LIN52: variants seen among roughly 807,000 people sequenced by gnomAD.
The protein encoded by LIN52 is lin-52 DREAM MuvB core complex component.
LIN52 carries 4 observed loss-of-function variants against 18.5 expected under a neutral mutation model. The observed-to-expected ratio is 0.22, with a 90% CI of 0.11 to 0.49. LIN52 has a LOEUF of 0.49. Among genes scored for constraint, LIN52 ranks in the 20% least tolerant of loss-of-function variants. The probability of loss-of-function intolerance (pLI) is 0.97; values close to 1 mark genes in which losing one functional copy is unlikely to be tolerated. For missense variants in LIN52, 102 were observed against 139.5 expected (o/e 0.73, Z 1.35); for synonymous variants, 34 against 45.5 (o/e 0.75, Z 1.02).
intron 5 of LIN52, among the ~76,000 whole-genome samples, chr14:74,178,671 G>A (rs987333813): frequency 6.6e-6 from 1 of 151,324 alleles, no homozygotes. Context: ...TATTGGCCAG[G>A]CTGGTCTCAA....
In LIN52 at chr14:74,171,634, C is replaced by T. The variant is rs559589112; in HGVS notation, c.284-27288C>T. On this transcript the variant is annotated intron_variant, in intron 5 of 5. Transcript: ENST00000555028. ...AGAATGTTGTCTAAAAAGTAATGAA[C>T]GGTTATATAAGCAAAGTCAGAACTT... is the stretch of plus-strand genomic sequence containing the variant. Among the ~76,000 whole-genome samples the T allele has an allele frequency of 4.9e-4, 74 of 150,924 alleles. 1 individual carries two copies. The South Asian group carries it at 0.013, about 27-fold the overall frequency.
In LIN52 at chr14:74,177,399, A is replaced by C. The variant is rs1314693550; in HGVS notation, c.284-21523A>C. Reference sequence around the variant, plus strand: ...TTTTGATGTAAGGGGATGTTTGTATATTATGCCATAAGATATGCATCAGAA... The same window carrying C: ...TTTTGATGTAAGGGGATGTTTGTATCTTATGCCATAAGATATGCATCAGAA... On this transcript the variant is annotated intron_variant, in intron 5 of 5. Coordinates refer to ENST00000555028, the MANE Select transcript of LIN52 (RefSeq NM_001024674.3). Among the ~76,000 whole-genome samples, 9 of 152,336 alleles carry C rather than the reference A, an allele frequency of 5.9e-5. No homozygotes were observed. In the East Asian group the frequency reaches 1.7e-3, roughly 29 times the overall value.
intron 4 of LIN52, among the ~76,000 whole-genome samples, chr14:74,100,605 A>G (rs1402780654): frequency 6.6e-6 from 1 of 152,124 alleles, no homozygotes; most frequent in African/African-American, 2.4e-5. Flanking sequence ...CCTTCTGAGT[A>G]GCTGGGACTA....
chr14:74,169,181 G>A (rs1308555764), intron 5 of LIN52, among the ~76,000 whole-genome samples: 1 of 152,156 alleles, frequency 6.6e-6, no homozygotes, highest in East Asian at 1.9e-4. Flanking sequence ...CTTAGTGACT[G>A]TTTCTAAAAT....
intron 5 of LIN52, among the ~76,000 whole-genome samples, chr14:74,133,149 G>C (rs1003274087): frequency 4.6e-5 from 7 of 152,170 alleles, no homozygotes; most frequent in African/African-American, 1.7e-4. Flanking sequence ...TGACACTCTT[G>C]ATTTGGTCCA....
At chr14:74,161,792 G>A (rs1651972851) in intron 5 of LIN52, among the ~76,000 whole-genome samples, 1 of 152,224 alleles carries the variant, frequency 6.6e-6, no homozygotes, top group Admixed American at 6.5e-5. Flanking sequence ...CATTGCCAAG[G>A]TGAACATAGC....
chr14:74,120,532 A>G lies in LIN52; in HGVS notation c.283+19294A>G, dbSNP rs541668881. ...CACTTTGGGAGGCCGAGGTGGGCAG[A>G]TCACCTGAGGTCAGGAGTTCGAGAC... is the stretch of plus-strand genomic sequence containing the variant. On this transcript the variant is annotated intron_variant, in intron 5 of 5. Transcript: ENST00000555028. 7.9e-5 allele frequency among the ~76,000 whole-genome samples: 12 copies of G among 152,210 alleles called. No individual in the cohort carries two copies. In the South Asian group the frequency reaches 2.5e-3, roughly 32 times the overall value.
At chr14:74,140,874 C>T (rs1380226375) in intron 5 of LIN52, among the ~76,000 whole-genome samples, 1 of 152,122 alleles carries the variant, frequency 6.6e-6, no homozygotes, top group Non-Finnish European at 1.5e-5. Flanking sequence ...TTGTGGATTG[C>T]CTTGTCCTAG....
chr14:74,118,973 G>C (rs944413642), intron 5 of LIN52, among the ~76,000 whole-genome samples: 3 of 152,048 alleles, frequency 2.0e-5, no homozygotes, highest in African/African-American at 7.3e-5. Context: ...TTTAAATTAT[G>C]ACATCGGCCA....
At chr14:74,169,630 A>G (rs1012573607) in intron 5 of LIN52, among the ~76,000 whole-genome samples, 3 of 152,234 alleles carry the variant, frequency 2.0e-5, no homozygotes, top group African/African-American at 7.2e-5. Flanking sequence ...TAGTTGCAAT[A>G]CAGAAAGAAA....
intron 5 of LIN52, 80 bp downstream of exon 5, chr14:74,101,318 C>G: frequency 1.1e-6 from 1 of 879,668 alleles, no homozygotes. Flanking sequence ...GGTATTCCAC[C>G]CTGAGCTCCA....
At chr14:74,174,966 G>T (rs1027408599) in intron 5 of LIN52, among the ~76,000 whole-genome samples, 1 of 150,884 alleles carries the variant, frequency 6.6e-6, no homozygotes, top group African/African-American at 2.4e-5. Flanking sequence ...AGTGAGCCAT[G>T]ATCACACCAC....
chr14:74,113,882 C>T (rs1009776331), intron 5 of LIN52: 3 of 152,076 alleles, frequency 2.0e-5, no homozygotes, highest in Non-Finnish European at 4.4e-5. Flanking sequence ...CACTTTTAGT[C>T]CCTTTATGTG....
At chr14:74,114,130 G>A (rs2060948360) in intron 5 of LIN52, 1 of 985,348 alleles carries the variant, frequency 1.0e-6, no homozygotes, top group Admixed American at 6.2e-5. Flanking sequence ...ACAGGTGTGA[G>A]CCACAGCGCC....
At chr14:74,093,076 C>T (rs1444667033) in intron 2 of LIN52, among the ~76,000 whole-genome samples, 2 of 151,778 alleles carry the variant, frequency 1.3e-5, no homozygotes, top group African/African-American at 2.4e-5. Context: ...CTCAGCCTCC[C>T]GAGTAGCTGA....
intron 2 of LIN52, among the ~76,000 whole-genome samples, chr14:74,092,708 G>A (rs899556580): frequency 2.0e-5 from 3 of 151,418 alleles, no homozygotes; most frequent in African/African-American, 7.3e-5. Flanking sequence ...CTTGAGGCTA[G>A]GAGTTTGAGA....
chr14:74,179,913 G>T (rs1243820045), intron 5 of LIN52, among the ~76,000 whole-genome samples: 1 of 152,170 alleles, frequency 6.6e-6, no homozygotes, highest in East Asian at 1.9e-4. Flanking sequence ...TTTAGCATGA[G>T]TTAGAATCAC....
At chr14:74,087,982 G>A (rs990924196) in intron 1 of LIN52, among the ~76,000 whole-genome samples, 3 of 152,050 alleles carry the variant, frequency 2.0e-5, no homozygotes, top group Admixed American at 1.3e-4. Flanking sequence ...GCAGTGATAT[G>A]ATTATAGCTC....
At chr14:74,097,939 T>C in intron 4 of LIN52, 79 bp downstream of exon 4, 1 of 1,084,902 alleles carries the variant, frequency 9.2e-7, no homozygotes, top group Non-Finnish European at 1.4e-6. Flanking sequence ...TTTTTCTGTT[T>C]CCTTACAAGT....
Sources: allele counts gnomAD v4.1 joint callset (sites outside exome capture counted in the v4.1 genomes callset), GRCh38; gene constraint gnomAD v4.1.1; transcripts MANE v1.5; gene names NCBI Gene and HGNC (gene_info 2026-07-23, HGNC 2026-07-21).